WASL: variants seen among roughly 807,000 people sequenced by gnomAD.
The protein encoded by WASL is WASP like actin nucleation promoting factor, also known as actin nucleation-promoting factor WASL.
In WASL, 20 loss-of-function variants were observed where a neutral mutation model predicts 55.5. The observed-to-expected ratio is 0.36, with a 90% CI of 0.25 to 0.52. The LOEUF (loss-of-function observed/expected upper bound fraction) is 0.52, where lower values mean the gene tolerates loss of function less well. Ranked by LOEUF, WASL falls within the 20% of genes least tolerant of loss-of-function variation. The pLI, the probability that WASL is intolerant of heterozygous loss-of-function variation, is 0.92. For synonymous variants in WASL, 249 were observed against 217.6 expected (o/e 1.14, Z -1.27); for missense variants, 504 against 622.5 (o/e 0.81, Z 2.03).
At chr7:123,732,808 G>A (rs1324534287) in intron 1 of WASL, among the ~76,000 whole-genome samples, 1 of 152,072 alleles carries the variant, frequency 6.6e-6, no homozygotes, top group Non-Finnish European at 1.5e-5. Flanking sequence ...TTAGCAAATT[G>A]AACCCAACAA....
intron 1 of WASL, among the ~76,000 whole-genome samples, chr7:123,728,002 T>C (rs1000044221): frequency 6.6e-5 from 10 of 152,308 alleles, no homozygotes; most frequent in Admixed American, 5.9e-4. Flanking sequence ...TGAAAAGAAA[T>C]GTACCTCACT....
chr7:123,695,968 G>A (rs1168836804), intron 6 of WASL, 103 bp from the exon 7 acceptor site: 1 of 1,075,680 alleles, frequency 9.3e-7, no homozygotes, highest in Non-Finnish European at 1.4e-6. Flanking sequence ...TGAATTTTTG[G>A]TCTGAACTAA....
At chr7:123,686,973 C>A (rs920053742) in intron 10 of WASL, among the ~76,000 whole-genome samples, 1 of 152,146 alleles carries the variant, frequency 6.6e-6, no homozygotes, top group Non-Finnish European at 1.5e-5. Context: ...AGACTCATAA[C>A]GAAATGCCTA....
Position 123,748,869 on chromosome 7 carries a change from G to A in WASL, c.-135C>T. The A allele has an allele frequency of 1.4e-6, 1 of 714,798 alleles. No individual in the cohort carries two copies. Among genetic ancestry groups the A allele is most frequent in the Non-Finnish European group, 2.2e-6 (1 of 452,536 alleles). 44.3% of individuals were successfully genotyped at this position (714,798 alleles called of 1,614,324 possible). ...ACATCTCGCAGCTCCTCCGGAGCGG[G>A]GAGGAGGACGAGGTCGAGGGAAGCA... On this transcript the variant is annotated 5_prime_UTR_variant, in exon 1 of 11. Coordinates refer to ENST00000223023, the MANE Select transcript of WASL (RefSeq NM_003941.4).
intron 1 of WASL, among the ~76,000 whole-genome samples, chr7:123,726,022 A>T (rs977481698): frequency 5.3e-5 from 8 of 152,244 alleles, no homozygotes. Context: ...CATATTTTTT[A>T]AAGGTCTTGC....
rs184110006 is a variant in WASL, at chr7:123,726,988, G to A, written c.118-17765C>T. Reference sequence around the variant, plus strand: ...AACATCCCTACAAATCATTAATAAAGAGCAATCAACCCACTAAATCTATGG... The same window carrying A: ...AACATCCCTACAAATCATTAATAAAAAGCAATCAACCCACTAAATCTATGG... On this transcript the variant is annotated intron_variant, in intron 1 of 10. Transcript: ENST00000223023. 2.5e-3 allele frequency among the ~76,000 whole-genome samples: 377 copies of A among 152,106 alleles called. 2 individuals carry two copies. The highest frequency in any genetic ancestry group is 8.4e-3 in the African/African-American group (347 of 41,498).
At chr7:123,706,961 A>G in intron 2 of WASL, 135 bp from the exon 3 acceptor site, 1 of 462,072 alleles carries the variant, frequency 2.2e-6, no homozygotes, top group Non-Finnish European at 3.8e-6. Flanking sequence ...ACATATTTAT[A>G]ATATATAAAT....
chr7:123,736,881 C>T (rs1184211207), intron 1 of WASL, among the ~76,000 whole-genome samples: 3 of 152,046 alleles, frequency 2.0e-5, no homozygotes, highest in Admixed American at 1.3e-4. Context: ...GAAAAAAACA[C>T]TAAGCACATG....
chr7:123,692,020 T>C (rs1803417493), intron 9 of WASL, among the ~76,000 whole-genome samples: 1 of 152,170 alleles, frequency 6.6e-6, no homozygotes, highest in African/African-American at 2.4e-5. Context: ...AGTTCTAGAA[T>C]AGGTAAAACT....
chr7:123,693,216 T>C (rs1803441492), intron 8 of WASL, among the ~76,000 whole-genome samples: 1 of 152,234 alleles, frequency 6.6e-6, no homozygotes, highest in Non-Finnish European at 1.5e-5. Context: ...TTTTGTTAAT[T>C]AGCATTAGTT....
intron 5 of WASL, among the ~76,000 whole-genome samples, chr7:123,699,043 A>G (rs1293609147): frequency 6.6e-6 from 1 of 152,184 alleles, no homozygotes; most frequent in Non-Finnish European, 1.5e-5. Flanking sequence ...TCTTATCTTT[A>G]TATCTTAATA....
intron 8 of WASL, among the ~76,000 whole-genome samples, chr7:123,693,744 T>C (rs1175159138): frequency 6.6e-6 from 1 of 152,184 alleles, no homozygotes; most frequent in African/African-American, 2.4e-5. Flanking sequence ...AGCGGGAGGA[T>C]CACTTGAGGC....
At chr7:123,731,945 AAC>A (rs1401080550) in intron 1 of WASL, among the ~76,000 whole-genome samples, 8 of 152,166 alleles carry the variant, frequency 5.3e-5, no homozygotes, top group Admixed American at 5.2e-4. Context: ...ATAGGAAATC[AAC>A]AGAGAAATGA....
At chr7:123,721,967 G>C (rs969516507) in intron 1 of WASL, among the ~76,000 whole-genome samples, 1 of 152,074 alleles carries the variant, frequency 6.6e-6, no homozygotes, top group Admixed American at 6.6e-5. Flanking sequence ...CACTGTTACT[G>C]TCCTCTCTAG....
chr7:123,727,923 G>A (rs1392108064), intron 1 of WASL, among the ~76,000 whole-genome samples: 2 of 152,104 alleles, frequency 1.3e-5, no homozygotes, highest in Non-Finnish European at 1.5e-5. Flanking sequence ...TCATTTCATG[G>A]TAGCTAGATA....
chr7:123,691,205 A>G (rs1417790436), intron 9 of WASL, among the ~76,000 whole-genome samples: 1 of 152,158 alleles, frequency 6.6e-6, no homozygotes, highest in Non-Finnish European at 1.5e-5. Flanking sequence ...ATAATTTTCA[A>G]TTAAAACATC....
chr7:123,696,356 A>G (rs1803492103), intron 6 of WASL, among the ~76,000 whole-genome samples: 1 of 151,326 alleles, frequency 6.6e-6, no homozygotes, highest in Admixed American at 6.6e-5. Context: ...CTTTTCTCAT[A>G]GTTGAAAAAG....
intron 1 of WASL, among the ~76,000 whole-genome samples, chr7:123,716,434 T>A (rs962796946): frequency 5.3e-5 from 8 of 151,990 alleles, no homozygotes; most frequent in African/African-American, 1.7e-4. Context: ...AGGCTGGTCT[T>A]GAACTCCTGA....
intron 9 of WASL, among the ~76,000 whole-genome samples, chr7:123,691,693 TTAA>T (rs1232174088): frequency 1.3e-5 from 2 of 152,198 alleles, no homozygotes; most frequent in Non-Finnish European, 2.9e-5. Flanking sequence ...ACCTGTAAGA[TTAA>T]ATGATTACCT....
Sources: gnomAD v4.1 joint callset for allele counts (sites outside exome capture counted in the v4.1 genomes callset) on GRCh38, gnomAD v4.1.1 for gene constraint, MANE v1.5 for transcripts, NCBI Gene and HGNC (gene_info 2026-07-23, HGNC 2026-07-21) for gene names.